The following PLCH1 variants were observed in gnomAD, a reference collection of about 807,000 sequenced individuals.
PLCH1 encodes 1-phosphatidylinositol 4,5-bisphosphate phosphodiesterase eta-1.
A neutral mutation model predicts 126.7 loss-of-function variants in PLCH1; 60 were observed. The ratio of observed to expected loss-of-function variants is 0.47; its 90% CI spans 0.38 to 0.59. PLCH1 has a LOEUF of 0.59. Ranked by LOEUF, PLCH1 falls within the 20% of genes least tolerant of loss-of-function variation. PLCH1 has a pLI of 0.00. For missense variants in PLCH1, 1,723 were observed against 2,040.0 expected (o/e 0.84, Z 2.99); for synonymous variants, 719 against 734.9 (o/e 0.98, Z 0.35).
At chr3:155,656,340 ACT>A (rs1170556299) in intron 2 of PLCH1, among the ~76,000 whole-genome samples, 1 of 152,220 alleles carries the variant, frequency 6.6e-6, no homozygotes, top group Non-Finnish European at 1.5e-5. Flanking sequence ...CAGATATAAT[ACT>A]GATATCTAAA....
chr3:155,637,130 A>G (rs920668238), intron 2 of PLCH1, among the ~76,000 whole-genome samples: 3 of 152,236 alleles, frequency 2.0e-5, no homozygotes, highest in African/African-American at 7.2e-5. Flanking sequence ...AAAGCTCAGC[A>G]GCTTTTCCCC....
rs112503009 is a variant in PLCH1 at position 155,741,289 on chromosome 3, G to A, written c.-41+3551C>T. On this transcript the variant is annotated intron_variant, in intron 1 of 22. Transcript: ENST00000460012. The stretch of plus-strand genomic sequence containing the variant: ...ATAAGCCCCTGCTAGTGAGAAGAGA[G>A]AACATGCTTCCCAGGCCGAGGAGGC... 5.9e-5 allele frequency among the ~76,000 whole-genome samples: 9 copies of A among 152,168 alleles called. 1 individual carries two copies. The highest frequency in any genetic ancestry group is 2.2e-4 in the African/African-American group (9 of 41,438).
chr3:155,537,554 A>T lies in PLCH1; in HGVS notation c.1362+12233T>A, dbSNP rs112129936. Among the ~76,000 whole-genome samples, 177 of 152,232 alleles carry T rather than the reference A, an allele frequency of 1.2e-3. 1 individual carries two copies. The highest frequency in any genetic ancestry group is 4.0e-3 in the African/African-American group (168 of 41,542). ...ACTTAAAGTAAAGGGGTAGAAGAAG[A>T]TATTTCATGCAAATGGACAAAAAAA... On this transcript the variant is annotated intron_variant, in intron 10 of 22. Transcript: ENST00000460012.
intron 4 of PLCH1, 100 bp from the exon 5 acceptor site, chr3:155,586,294 G>T: frequency 1.6e-6 from 2 of 1,237,784 alleles, no homozygotes; most frequent in Non-Finnish European, 2.3e-6. Context: ...CACAGAACTT[G>T]AGAAGAAATT....
chr3:155,527,806 G>T (rs1172447234), intron 10 of PLCH1, among the ~76,000 whole-genome samples: 1 of 151,636 alleles, frequency 6.6e-6, no homozygotes, highest in Non-Finnish European at 1.5e-5. Flanking sequence ...TGTAATCCCA[G>T]CTACTCGGGA....
At chr3:155,465,513 C>A (rs1339172037) in intron 21 of PLCH1, among the ~76,000 whole-genome samples, 1 of 152,072 alleles carries the variant, frequency 6.6e-6, no homozygotes, top group East Asian at 1.9e-4. Flanking sequence ...TTGGGTGAGC[C>A]TCTGAGACTT....
intron 2 of PLCH1, among the ~76,000 whole-genome samples, chr3:155,635,800 A>G (rs1738649049): frequency 6.6e-6 from 1 of 152,250 alleles, no homozygotes; most frequent in South Asian, 2.1e-4. Flanking sequence ...CCTTATTAAA[A>G]TATCATATAT....
At chr3:155,679,493 A>T (rs2109010696) in intron 2 of PLCH1, among the ~76,000 whole-genome samples, 1 of 152,314 alleles carries the variant, frequency 6.6e-6, no homozygotes, top group Non-Finnish European at 1.5e-5. Context: ...GCAGTAAGTG[A>T]ATGGCCACTC....
chr3:155,725,451 C>CTTTTT lies in PLCH1; in HGVS notation c.-41+19384_-41+19388dup, dbSNP rs34876965. Among the ~76,000 whole-genome samples the CTTTTT allele has an allele frequency of 2.9e-5, 4 of 140,340 alleles. 1 individual carries two copies. Among genetic ancestry groups the CTTTTT allele is most frequent in the East Asian group, 4.2e-4 (2 of 4,802 alleles). 92.1% of individuals were successfully genotyped at this position (140,340 alleles called of 152,430 possible). A position where few individuals can be genotyped will look rare whatever the true frequency, so the allele number is the denominator to read the frequency against. On this transcript the variant is annotated intron_variant, in intron 1 of 22. Transcript: ENST00000460012. ...ATTCTGTATCCTTATATTTTAGACA[C>CTTTTT]TTTTTTTTTTTTTTGAGACAGAGTC... is the stretch of plus-strand genomic sequence containing the variant.
rs114429416 is a variant in PLCH1, at chr3:155,629,863, T to C, written c.80-33485A>G. Reference sequence around the variant, plus strand: ...CCAGCACACTTTGCACTCGCTGTACTCGCTGTTTCTTTTCCCTGAAATACT... The same window carrying C: ...CCAGCACACTTTGCACTCGCTGTACCCGCTGTTTCTTTTCCCTGAAATACT... On this transcript the variant is annotated intron_variant, in intron 2 of 22. Transcript: ENST00000460012. Among the ~76,000 whole-genome samples the C allele has an allele frequency of 5.2e-3, 790 of 152,344 alleles. 8 individuals are homozygous for C. Among genetic ancestry groups the C allele is most frequent in the African/African-American group, 0.018 (743 of 41,578 alleles).
At chr3:155,726,569 A>G (rs567458899) in intron 1 of PLCH1, among the ~76,000 whole-genome samples, 8 of 152,290 alleles carry the variant, frequency 5.3e-5, no homozygotes, top group South Asian at 4.1e-4. Context: ...TGACTTCATC[A>G]ATATGTCAAG....
chr3:155,516,695 A>G (rs990043584), intron 11 of PLCH1, among the ~76,000 whole-genome samples: 3 of 152,088 alleles, frequency 2.0e-5, no homozygotes, highest in Non-Finnish European at 4.4e-5. Flanking sequence ...TGCCTAGGCC[A>G]ATGTGCTGGG....
At chr3:155,512,340 C>G (rs1354322924) in intron 12 of PLCH1, among the ~76,000 whole-genome samples, 1 of 152,112 alleles carries the variant, frequency 6.6e-6, no homozygotes, top group African/African-American at 2.4e-5. Context: ...ATATACATAA[C>G]GACAAGAGCA....
chr3:155,609,708 C>A (rs889873309), intron 2 of PLCH1, among the ~76,000 whole-genome samples: 1 of 152,080 alleles, frequency 6.6e-6, no homozygotes, highest in Middle Eastern at 3.4e-3. Context: ...AAAACAAACA[C>A]AACTTCTGGA....
rs1240237647 is a variant in PLCH1, at chr3:155,482,430, T to C, written c.3596A>G (p.Asn1199Ser). The C allele has an allele frequency of 3.7e-6, 6 of 1,614,064 alleles. No homozygotes were observed. The highest frequency in any genetic ancestry group is 4.2e-6 in the Non-Finnish European group (5 of 1,180,030). ...SALIGQFDET[N>S]NQALTVVSHL... ...AGAAACAACTGTGAGAGCCTGATTG[T>C]TGGTCTCATCAAACTGGCCAATCAG... Residue 1199 changes from asparagine (N) to serine (S), a missense_variant, in exon 23 of 23, where the codon AAC becomes AGC. Asn to Ser is a conservative substitution (Grantham distance 46). This residue lies in a region of PLCH1 where 947 missense variants were observed against 977.1 expected (regional missense o/e 0.97). Coordinates refer to ENST00000460012, the MANE Select transcript of PLCH1 (RefSeq NM_014996.4).
intron 2 of PLCH1, among the ~76,000 whole-genome samples, chr3:155,672,477 G>A (rs551533138): frequency 3.5e-4 from 54 of 152,216 alleles, no homozygotes; most frequent in Middle Eastern, 6.8e-3. Context: ...AATGGCCACA[G>A]ACCTTCCTGC....
In PLCH1 at chr3:155,700,394, A is replaced by G. The variant is rs528815952; in HGVS notation, c.79+3752T>C. 2.0e-3 allele frequency among the ~76,000 whole-genome samples: 304 copies of G among 152,360 alleles called. 1 individual carries two copies. Among genetic ancestry groups the G allele is most frequent in the African/African-American group, 6.8e-3 (282 of 41,586 alleles). On this transcript the variant is annotated intron_variant, in intron 2 of 22. Coordinates refer to ENST00000460012, the MANE Select transcript of PLCH1 (RefSeq NM_014996.4). ...TCTTGAAAAGGCATACTGCATAAAT[A>G]TTTAATAAGAGAATTACCCTTAATT...
chr3:155,541,302 A>G (rs1442902997), intron 10 of PLCH1, among the ~76,000 whole-genome samples: 2 of 152,202 alleles, frequency 1.3e-5, no homozygotes, highest in Non-Finnish European at 2.9e-5. Flanking sequence ...CTGAGGTGAC[A>G]GGTGCACCAA....
rs1712538792 is a variant in PLCH1 at position 155,458,439 on chromosome 3, AAGGAAGGAAG to A, written c.2938+26907_2938+26916del. On this transcript the variant is annotated intron_variant, in intron 21 of 21. Coordinates refer to the PLCH1 transcript ENST00000494598. ...GAAGGAAGGAAGGAAGGAAGGAAGG[AAGGAAGGAAG>A]GAAGGAAAGAAAGAAAGAAAGAAAG... is the stretch of plus-strand genomic sequence containing the variant. 3.1e-3 allele frequency among the ~76,000 whole-genome samples: 285 copies of A among 90,818 alleles called. 1 individual carries two copies. Among genetic ancestry groups the A allele is most frequent in the African/African-American group, 4.2e-3 (60 of 14,402 alleles). 59.6% of individuals were successfully genotyped at this position (90,818 alleles called of 152,430 possible). A position where few individuals can be genotyped will look rare whatever the true frequency, so the allele number is the denominator to read the frequency against.
Sources: allele counts gnomAD v4.1 joint callset (sites outside exome capture counted in the v4.1 genomes callset), GRCh38; gene constraint gnomAD v4.1.1; regional missense constraint gnomAD v4.1.1; transcripts MANE v1.5; gene names NCBI Gene and HGNC (gene_info 2026-07-23, HGNC 2026-07-21).